The following EP400 variants were observed in gnomAD, a reference collection of about 807,000 sequenced individuals.
The protein encoded by EP400 is E1A binding protein p400, also known as E1A-binding protein p400.
Under a neutral mutation model 354.1 loss-of-function variants are expected in EP400, and 105 were observed. That is an observed-to-expected ratio of 0.30 (90% confidence interval 0.25 to 0.35). EP400 has a LOEUF of 0.35. EP400 is among the 10% of genes least tolerant of loss of function. EP400 has a pLI of 1.00. For synonymous variants in EP400, 1,646 were observed against 1,716.9 expected, an observed-to-expected ratio of 0.96 and a Z score of 1.02; for missense variants, 3,280 against 4,121.0, an observed-to-expected ratio of 0.80 and a Z score of 5.59.
rs1895263228 is a variant in EP400 at position 132,050,837 on chromosome 12, A to T, written c.7394+182A>T. On this transcript the variant is annotated intron_variant, in intron 41 of 52. Coordinates refer to ENST00000389561, the MANE Select transcript of EP400 (RefSeq NM_015409.5). This position sits in a 1 kb window ranked among gnomAD's most constrained non-coding sequence, Gnocchi z 4.8. The stretch of plus-strand genomic sequence containing the variant: ...TCCTGCCGTGGGCTAGGGTATGCAT[A>T]GGACGGCCCCTGCCCTGTCTCTGTG... 4 of 686,740 alleles carry T rather than the reference A, an allele frequency of 5.8e-6. No homozygotes were observed. The South Asian group carries it at 7.0e-5, about 12-fold the overall frequency. 42.5% of individuals were successfully genotyped at this position (686,740 alleles called of 1,614,324 possible).
In EP400 at chr12:132,067,554, G is replaced by T. The variant is rs148326914; in HGVS notation, c.8874+68G>T. 2.6e-6 allele frequency: 4 copies of T among 1,556,868 alleles called. No individual in the cohort carries two copies. In the Admixed American group the frequency reaches 7.4e-5, roughly 29 times the overall value. ...CCAAAGCTGGCTGCTGGAGGAGAGG[G>T]TCCTAAGCAGACAAATCCCCATGTG... On this transcript the variant is annotated intron_variant, in intron 50 of 52. Coordinates refer to ENST00000389561, the MANE Select transcript of EP400 (RefSeq NM_015409.5). This position sits in a 1 kb window ranked among gnomAD's most constrained non-coding sequence, Gnocchi z 5.3.
intron 13 of EP400, 36 bp downstream of exon 13, chr12:132,005,220 A>G (rs1193853375): frequency 2.0e-6 from 3 of 1,479,326 alleles, no homozygotes; most frequent in Non-Finnish European, 2.7e-6. Context: ...TCAGGGTTAA[A>G]AGCAGAAGCC....
chr12:131,994,414 G>A lies in EP400; in HGVS notation c.2738-453G>A, dbSNP rs2136508130. ...GATCTCTATGGCGAGTGAGGCGTGA[G>A]GTTCAGGGCTGGAGGGCTGAAGAGA... On this transcript the variant is annotated intron_variant, in intron 11 of 52. Transcript: ENST00000389561. This position sits in a 1 kb window ranked among gnomAD's most constrained non-coding sequence, Gnocchi z 4.6. Among the ~76,000 whole-genome samples, 1 of 152,268 alleles carries A rather than the reference G, an allele frequency of 6.6e-6. No individual in the cohort carries two copies. Among genetic ancestry groups the A allele is most frequent in the South Asian group, 2.1e-4 (1 of 4,816 alleles).
chr12:131,992,289 G>T, intron 11 of EP400, 59 bp downstream of exon 11: 1 of 1,491,928 alleles, frequency 6.7e-7, no homozygotes. Context: ...AGATGACACA[G>T]AGCTGCAGCG....
In EP400 at chr12:132,077,944, C is replaced by A. The variant is rs373749649; in HGVS notation, c.*271C>A. 6.3e-6 allele frequency: 3 copies of A among 476,032 alleles called. No homozygotes were observed. The highest frequency in any genetic ancestry group is 1.1e-5 in the Non-Finnish European group (3 of 266,704). 29.5% of individuals were successfully genotyped at this position (476,032 alleles called of 1,614,324 possible). The stretch of plus-strand genomic sequence containing the variant: ...ATCATTTCACCTTTCAGTCCCCACC[C>A]GCACCCGTCCCCTAGAGCCATAGTA... On this transcript the variant is annotated 3_prime_UTR_variant, in exon 53 of 53. Coordinates refer to ENST00000389561, the MANE Select transcript of EP400 (RefSeq NM_015409.5).
At chr12:132,028,390 C>T (rs1429075774) in intron 27 of EP400, 102 bp downstream of exon 27, 2 of 1,409,444 alleles carry the variant, frequency 1.4e-6, no homozygotes, top group Non-Finnish European at 2.0e-6. Flanking sequence ...CCATCGGCTT[C>T]TCCCCACGCT....
In EP400 at chr12:131,994,008, C is replaced by T. The variant is rs1180410756; in HGVS notation, c.2738-859C>T. 6.6e-6 allele frequency among the ~76,000 whole-genome samples: 1 copy of T among 152,168 alleles called. No individual in the cohort carries two copies. The highest frequency in any genetic ancestry group is 2.4e-5 in the African/African-American group (1 of 41,438). ...TTTTCCAAAATTCCACCCTGGAAAC[C>T]AAGTGATCAGAAGGCAGAAGGAATG... On this transcript the variant is annotated intron_variant, in intron 11 of 52. Transcript: ENST00000389561. The surrounding 1 kb of genome is among the most constrained non-coding windows in gnomAD (Gnocchi z 4.6).
chr12:132,041,704 C>T (rs572332185), intron 32 of EP400, among the ~76,000 whole-genome samples: 10 of 151,966 alleles, frequency 6.6e-5, no homozygotes, highest in African/African-American at 9.7e-5. Flanking sequence ...GTGGCTGTGC[C>T]GGGGATGCTC....
At chr12:132,026,554 G>T (rs1426783275) in intron 25 of EP400, among the ~76,000 whole-genome samples, 1 of 152,186 alleles carries the variant, frequency 6.6e-6, no homozygotes, top group Admixed American at 6.5e-5. Flanking sequence ...CTGCATGCCA[G>T]CATGGTCAGC....
rs1431469401 is a variant in EP400, at chr12:132,038,875, CTTG to C, written c.6207+784_6207+786del. Among the ~76,000 whole-genome samples the C allele has an allele frequency of 2.0e-5, 3 of 152,228 alleles. No homozygotes were observed. The highest frequency in any genetic ancestry group is 4.8e-5 in the African/African-American group (2 of 41,460). On this transcript the variant is annotated intron_variant, in intron 32 of 52. Coordinates refer to ENST00000389561, the MANE Select transcript of EP400 (RefSeq NM_015409.5). The surrounding 1 kb of genome is among the most constrained non-coding windows in gnomAD (Gnocchi z 4.2). ...ATGTGGCCCTGCCACTCCTCCAGAA[CTTG>C]TTGTGGGGTCCCCGTTTCTGTGCCT...
At chr12:132,010,708 G>A (rs529218917) in intron 15 of EP400, among the ~76,000 whole-genome samples, 5 of 152,314 alleles carry the variant, frequency 3.3e-5, no homozygotes, top group Non-Finnish European at 7.3e-5. Context: ...TTGGGAGGCC[G>A]AGGTAGGCGG....
In EP400 at chr12:131,987,884, G is replaced by A. The variant is rs145085759; in HGVS notation, c.2403G>A (p.Ala801=). The A allele has an allele frequency of 1.1e-4, 175 of 1,606,044 alleles. No individual in the cohort carries two copies. Among genetic ancestry groups the A allele is most frequent in the East Asian group, 4.0e-4 (18 of 44,656 alleles). ...AGAGGAGGTGGAAGGTGGCTGCTGC[G>A]AAGAAGGTGGGTTGGAATGCGTGGA... The part of the protein sequence containing the change: ...AQERRWKVAA[A]KKLVRTVVRH... Residue 801 remains alanine (A), a synonymous_variant, in exon 7 of 53, where the codon GCG becomes GCA. Coordinates refer to ENST00000389561, the MANE Select transcript of EP400 (RefSeq NM_015409.5).
intron 24 of EP400, 96 bp downstream of exon 24, chr12:132,024,037 G>A (rs1894214281): frequency 7.6e-7 from 1 of 1,322,000 alleles, no homozygotes; most frequent in Admixed American, 3.4e-5. Context: ...GCATTTAAGT[G>A]TCAGGCTTTT....
chr12:132,072,233 C>T (rs1268945127), intron 51 of EP400, among the ~76,000 whole-genome samples: 1 of 152,212 alleles, frequency 6.6e-6, no homozygotes, highest in African/African-American at 2.4e-5. Flanking sequence ...GGGCCCGGGA[C>T]CGCAGGTGTG....
intron 2 of EP400, 22 bp from the exon 3 acceptor site, chr12:131,979,672 A>AT (rs1296505109): frequency 6.3e-7 from 1 of 1,597,490 alleles, no homozygotes; most frequent in Non-Finnish European, 8.5e-7. Context: ...TCAAAATCTC[A>AT]TTTTTTCATC....
chr12:131,963,520 A>G (rs781419796), intron 2 of EP400: 2 of 1,579,620 alleles, frequency 1.3e-6, no homozygotes, highest in South Asian at 1.1e-5. Context: ...TTCTCAAAAT[A>G]TTTCCTCTCA....
intron 45 of EP400, among the ~76,000 whole-genome samples, chr12:132,060,543 G>C (rs1421594982): frequency 1.3e-5 from 2 of 152,184 alleles, no homozygotes; most frequent in Non-Finnish European, 2.9e-5. Flanking sequence ...AGTGAGGCCG[G>C]GAGCCAGCGG....
chr12:131,995,148 C>T (rs1893161111), intron 12 of EP400, 192 bp downstream of exon 12: 2 of 521,290 alleles, frequency 3.8e-6, no homozygotes, highest in Non-Finnish European at 6.9e-6. Context: ...GTGTCGGACA[C>T]TGCCCTGACT....
At chr12:132,030,184 C>A in intron 29 of EP400, 26 bp downstream of exon 29, 2 of 1,612,514 alleles carry the variant, frequency 1.2e-6, no homozygotes, top group Non-Finnish European at 1.7e-6. Flanking sequence ...TTTACATTGT[C>A]TCTGATGGGT....
Sources: allele counts gnomAD v4.1 joint callset (sites outside exome capture counted in the v4.1 genomes callset), GRCh38; gene constraint gnomAD v4.1.1; non-coding constraint Gnocchi (gnomAD v3.1); transcripts MANE v1.5; gene names NCBI Gene and HGNC (gene_info 2026-07-23, HGNC 2026-07-21).